The following PMP22 variants were observed in gnomAD, a reference collection of about 807,000 sequenced individuals.
The protein encoded by PMP22 is Charcot-Marie-Tooth neuropathy 1A (greatly reduced nerve conduction velocity, hereditary motor sensory neuropathy Ia).
Under a neutral mutation model 18.9 loss-of-function variants are expected in PMP22, and 2 were observed. That is an observed-to-expected ratio of 0.11 (90% CI 0.04 to 0.33). PMP22 has a LOEUF of 0.33. PMP22 is among the 10% of genes least tolerant of loss of function. The pLI, the probability that PMP22 is intolerant of heterozygous loss-of-function variation, is 1.00. For missense variants in PMP22, 169 were observed against 202.2 expected, an observed-to-expected ratio of 0.84 and a Z score of 1.00; for synonymous variants, 95 against 89.2, an observed-to-expected ratio of 1.07 and a Z score of -0.37.
In PMP22 at chr17:15,230,648, T is replaced by C. The variant is rs1567698424; in HGVS notation, c.*269A>G. 1.4e-5 allele frequency: 7 copies of C among 484,174 alleles called. No individual in the cohort carries two copies. Among genetic ancestry groups the C allele is most frequent in the African/African-American group, 9.7e-5 (5 of 51,284 alleles). 30.0% of individuals were successfully genotyped at this position (484,174 alleles called of 1,614,324 possible). A position where few individuals can be genotyped will look rare whatever the true frequency, so the allele number is the denominator to read the frequency against. ...TAGGATGTAAAGTTCCTTAGCTACT[T>C]CTTTAAGGCTCAACACGAGGCTGAT... On this transcript the variant is annotated 3_prime_UTR_variant, in exon 5 of 5. Coordinates refer to ENST00000312280, the MANE Select transcript of PMP22 (RefSeq NM_000304.4).
At chr17:15,243,703 C>T (rs1209701461) in intron 3 of PMP22, among the ~76,000 whole-genome samples, 2 of 146,122 alleles carry the variant, frequency 1.4e-5, no homozygotes, top group South Asian at 4.2e-4. Flanking sequence ...AATTATAGAA[C>T]ATATCATAGA....
chr17:15,243,646 T>A (rs533292075), intron 3 of PMP22, among the ~76,000 whole-genome samples: 30 of 149,504 alleles, frequency 2.0e-4, no homozygotes, highest in Middle Eastern at 3.6e-3. Flanking sequence ...AACTTTATAA[T>A]ATATAATTAT....
At chr17:15,242,158 GC>G (rs952764372) in intron 3 of PMP22, among the ~76,000 whole-genome samples, 29 of 149,926 alleles carry the variant, frequency 1.9e-4, no homozygotes, top group Middle Eastern at 3.4e-3. Context: ...GGAGGTTGAG[GC>G]AGAGAATCGC....
chr17:15,237,799 C>T (rs775452550), intron 4 of PMP22, among the ~76,000 whole-genome samples: 15 of 152,224 alleles, frequency 9.9e-5, no homozygotes, highest in Non-Finnish European at 1.3e-4. Flanking sequence ...AGATGGGTAA[C>T]GTGCCAAATC....
intron 3 of PMP22, among the ~76,000 whole-genome samples, chr17:15,255,973 C>G (rs759755387): frequency 6.6e-6 from 1 of 152,182 alleles, no homozygotes; most frequent in Non-Finnish European, 1.5e-5. Flanking sequence ...ATTCCAGATC[C>G]TTGTATTCCC....
intron 4 of PMP22, 87 bp from the exon 5 acceptor site, chr17:15,231,167 G>C: frequency 7.6e-7 from 1 of 1,322,396 alleles, no homozygotes; most frequent in South Asian, 1.2e-5. Context: ...GACAATTGCT[G>C]GGTAGGAAGA....
chr17:15,239,377 A>C (rs1907087177), intron 4 of PMP22, 94 bp downstream of exon 4: 1 of 1,393,762 alleles, frequency 7.2e-7, no homozygotes, highest in Admixed American at 1.7e-5. Flanking sequence ...CATGAACATC[A>C]GTCATTCTGA....
chr17:15,255,115 A>C (rs79832653), intron 3 of PMP22, among the ~76,000 whole-genome samples: 3,942 of 152,292 alleles, frequency 0.026, 163 homozygotes, highest in African/African-American at 0.086. Context: ...TCTTTGAAGA[A>C]TGCTGAAATA....
chr17:15,240,253 A>G (rs179520), intron 3 of PMP22, among the ~76,000 whole-genome samples: 79,074 of 151,972 alleles, frequency 0.52, 20,658 homozygotes, highest in East Asian at 0.59. Context: ...TAAAACCACT[A>G]TTCAAATTAT....
chr17:15,244,158 T>C (rs1907587180), intron 3 of PMP22, among the ~76,000 whole-genome samples: 1 of 151,866 alleles, frequency 6.6e-6, no homozygotes, highest in Non-Finnish European at 1.5e-5. Flanking sequence ...CCAATAAACA[T>C]CGTAAAAGGT....
Position 15,230,748 on chromosome 17 carries a change from A to G in PMP22, c.*169T>C, listed in dbSNP as rs1383105484. ...TATAAATAGGTTTTATAAACCGGAG[A>G]TATTATATACATCTTCAATCAACAG... On this transcript the variant is annotated 3_prime_UTR_variant, in exon 5 of 5. Coordinates refer to ENST00000312280, the MANE Select transcript of PMP22 (RefSeq NM_000304.4). 7.6e-6 allele frequency: 5 copies of G among 657,770 alleles called. No individual in the cohort carries two copies. The Admixed American group carries it at 7.6e-5, about 10-fold the overall frequency. The allele number at this position is 657,770 out of a possible 1,614,324, so 40.7% of individuals were successfully genotyped here.
At chr17:15,260,351 A>C in intron 2 of PMP22, 1 of 452,302 alleles carries the variant, frequency 2.2e-6, no homozygotes, top group Non-Finnish European at 4.0e-6. Context: ...AAGAAAAAAA[A>C]AAGTTAAACA....
intron 4 of PMP22, among the ~76,000 whole-genome samples, chr17:15,238,411 T>C (rs984020464): frequency 6.6e-6 from 1 of 152,164 alleles, no homozygotes; most frequent in African/African-American, 2.4e-5. Context: ...AATGGTACCA[T>C]GGGCATTCTG....
intron 3 of PMP22, among the ~76,000 whole-genome samples, chr17:15,252,295 T>C (rs1211541942): frequency 2.0e-5 from 3 of 152,052 alleles, no homozygotes; most frequent in Non-Finnish European, 2.9e-5. Flanking sequence ...AGGGCTCAGG[T>C]TGGGGGCTGC....
intron 3 of PMP22, among the ~76,000 whole-genome samples, chr17:15,257,468 C>T (rs1908938736): frequency 2.6e-5 from 4 of 152,334 alleles, no homozygotes; most frequent in Admixed American, 2.0e-4. Context: ...TTGGGGATGG[C>T]GCCTGTGAGC....
intron 4 of PMP22, among the ~76,000 whole-genome samples, chr17:15,234,198 G>A (rs773936789): frequency 1.8e-4 from 28 of 152,106 alleles, no homozygotes; most frequent in Non-Finnish European, 3.7e-4. Flanking sequence ...AGGGAGAGAG[G>A]AGAGGCCAGC....
chr17:15,259,979 A>G (rs1281598969), intron 2 of PMP22, among the ~76,000 whole-genome samples: 1 of 151,930 alleles, frequency 6.6e-6, no homozygotes, highest in Non-Finnish European at 1.5e-5. Context: ...AAGAAAACGA[A>G]AAAGAAAATC....
chr17:15,245,665 G>T (rs2150686275), intron 3 of PMP22, among the ~76,000 whole-genome samples: 1 of 152,166 alleles, frequency 6.6e-6, no homozygotes, highest in South Asian at 2.1e-4. Flanking sequence ...GTTATTGAGG[G>T]GCCAGGTTCT....
rs1051244939 is a variant in PMP22, at chr17:15,261,698, A to T, written c.-34-937T>A. ...GATGTCCAGCGGACGGGAGAGAGAG[A>T]CAGAGGGTAAAAGGCTGAGTCCGAG... On this transcript the variant is annotated intron_variant, in intron 1 of 4. Coordinates refer to ENST00000312280, the MANE Select transcript of PMP22 (RefSeq NM_000304.4). The surrounding 1 kb of genome is among the most constrained non-coding windows in gnomAD (Gnocchi z 5.2). 1 of 152,306 alleles carries T rather than the reference A, an allele frequency of 6.6e-6. No homozygotes were observed. The highest frequency in any genetic ancestry group is 1.5e-5 in the Non-Finnish European group (1 of 68,104). The allele number at this position is 152,306 out of a possible 1,614,324, so 9.4% of individuals were successfully genotyped here.
Sources: gnomAD v4.1 joint callset for allele counts (sites outside exome capture counted in the v4.1 genomes callset) on GRCh38, gnomAD v4.1.1 for gene constraint, Gnocchi (gnomAD v3.1) non-coding constraint, MANE v1.5 for transcripts, NCBI Gene and HGNC (gene_info 2026-07-23, HGNC 2026-07-21) for gene names.